The following AXDND1 variants were observed in gnomAD, a reference collection of about 807,000 sequenced individuals.
AXDND1 encodes the protein axonemal dynein light chain domain containing 1, also known as axonemal dynein light chain domain-containing protein 1.
AXDND1 carries 110 observed loss-of-function variants against 137.5 expected under a neutral mutation model. The observed-to-expected ratio is 0.80, with a 90% CI of 0.69 to 0.94. AXDND1 has a LOEUF of 0.94. Among genes scored for constraint, AXDND1 ranks in the 40% least tolerant of loss-of-function variants. The pLI is 0.00. For missense variants in AXDND1, 1,191 were observed against 1,169.8 expected (o/e 1.02, Z -0.26); for synonymous variants, 414 against 399.7 (o/e 1.04, Z -0.43).
intron 11 of AXDND1, among the ~76,000 whole-genome samples, chr1:179,397,618 C>G (rs1558120447): frequency 6.6e-6 from 1 of 152,182 alleles, no homozygotes. Context: ...CTTTCAGGGA[C>G]ATCAATGAGT....
chr1:179,470,986 T>C (rs1663854673), intron 17 of AXDND1, among the ~76,000 whole-genome samples: 1 of 152,204 alleles, frequency 6.6e-6, no homozygotes, highest in South Asian at 2.1e-4. Flanking sequence ...AAATGCTTTT[T>C]CTGTATCTAG....
chr1:179,474,251 G>GT (rs894011635), intron 17 of AXDND1, among the ~76,000 whole-genome samples: 26 of 151,908 alleles, frequency 1.7e-4, no homozygotes, highest in African/African-American at 4.8e-4. Context: ...GTCTTGGGTA[G>GT]TTTTTTTATA....
intron 16 of AXDND1, among the ~76,000 whole-genome samples, chr1:179,457,639 C>T (rs12759446): frequency 0.17 from 25,564 of 152,016 alleles, 2,502 homozygotes; most frequent in East Asian, 0.35. Context: ...ATTTTCAGTT[C>T]GTCTAAGAAA....
At position 179,519,100 on chromosome 1, in the gene AXDND1, G is replaced by A. The variant is rs553913363; in HGVS notation, c.2497-6234G>A. Among the ~76,000 whole-genome samples the A allele has an allele frequency of 9.9e-5, 15 of 152,230 alleles. No individual in the cohort carries two copies. The East Asian group carries it at 2.7e-3, about 27-fold the overall frequency. Reference sequence around the variant, plus strand: ...TTGCCATTCTGACTGGTGTTAGATGGTAGCTCATTATGGTTTTGAGTTGTA... The same window carrying A: ...TTGCCATTCTGACTGGTGTTAGATGATAGCTCATTATGGTTTTGAGTTGTA... On this transcript the variant is annotated intron_variant, in intron 21 of 25. Coordinates refer to ENST00000367618, the MANE Select transcript of AXDND1 (RefSeq NM_144696.6).
intron 21 of AXDND1, among the ~76,000 whole-genome samples, chr1:179,514,479 C>T (rs57417655): frequency 0.19 from 28,300 of 151,930 alleles, 2,855 homozygotes; most frequent in African/African-American, 0.23. Flanking sequence ...CATCTAGTGG[C>T]CTATCACATG....
chr1:179,430,572 A>C lies in AXDND1; in HGVS notation c.1453A>C (p.Lys485Gln), dbSNP rs748507667. ...ESTSETLKIV[K>Q]DGLIKWQEFF... ...TACAAGCGAGACACTGAAAATTGTTAAGGATGGGCTTATCAAATGGCAGGA... is the reference window on the plus strand; with the variant it reads ...TACAAGCGAGACACTGAAAATTGTTCAGGATGGGCTTATCAAATGGCAGGA... Residue 485 changes from lysine (K) to glutamine (Q), a missense_variant, in exon 14 of 26, where the codon AAG becomes CAG. Physicochemically the swap from Lys to Gln is moderately conservative, Grantham distance 53. Coordinates refer to ENST00000367618, the MANE Select transcript of AXDND1 (RefSeq NM_144696.6). 13 of 1,613,468 alleles carry C rather than the reference A, an allele frequency of 8.1e-6. No homozygotes were observed. Among genetic ancestry groups the C allele is most frequent in the Non-Finnish European group, 1.1e-5 (13 of 1,179,852 alleles).
intron 18 of AXDND1, among the ~76,000 whole-genome samples, chr1:179,487,475 G>T (rs1228924396): frequency 6.9e-6 from 1 of 144,076 alleles, no homozygotes; most frequent in Admixed American, 6.9e-5. Flanking sequence ...ATGATTTTTG[G>T]TAATGGTTCA....
chr1:179,533,893 C>T lies in AXDND1; in HGVS notation c.2798+16C>T. ...AGAAGTTACTGTAAGTATGAGTCAA[C>T]ACAATGGTAAGAGGATGAAAATGGC... On this transcript the variant is annotated intron_variant, in intron 24 of 25. Transcript: ENST00000367618. 6.2e-7 allele frequency: 1 copy of T among 1,603,360 alleles called. No homozygotes were observed. The highest frequency in any genetic ancestry group is 8.5e-7 in the Non-Finnish European group (1 of 1,171,012).
At chr1:179,548,717 A>G (rs1294734511) in intron 25 of AXDND1, 1 of 152,238 alleles carries the variant, frequency 6.6e-6, no homozygotes, top group Admixed American at 6.5e-5. Flanking sequence ...AAGGATGTGG[A>G]ATGCAGGCGT....
chr1:179,544,901 C>G (rs2125740689), intron 25 of AXDND1: 1 of 152,266 alleles, frequency 6.6e-6, no homozygotes, highest in South Asian at 2.1e-4. Flanking sequence ...TGTCAGAGCC[C>G]CCAGCTCACT....
At chr1:179,465,466 T>C (rs1308920143) in intron 16 of AXDND1, among the ~76,000 whole-genome samples, 2 of 152,260 alleles carry the variant, frequency 1.3e-5, no homozygotes, top group Admixed American at 6.5e-5. Context: ...TGTTTCTGCC[T>C]GATCCTTTCT....
intron 12 of AXDND1, among the ~76,000 whole-genome samples, chr1:179,428,385 C>T (rs965227180): frequency 6.6e-6 from 1 of 152,214 alleles, no homozygotes; most frequent in Admixed American, 6.5e-5. Flanking sequence ...ACTGAAGTGA[C>T]AGTTAGAATG....
chr1:179,388,377 C>T (rs1169212477), intron 9 of AXDND1, among the ~76,000 whole-genome samples: 5 of 152,170 alleles, frequency 3.3e-5, no homozygotes, highest in Non-Finnish European at 5.9e-5. Flanking sequence ...CATGTCTGTA[C>T]TGCATTCTGT....
intron 20 of AXDND1, among the ~76,000 whole-genome samples, chr1:179,503,357 A>G (rs1241313325): frequency 6.6e-6 from 1 of 151,928 alleles, no homozygotes; most frequent in Non-Finnish European, 1.5e-5. Context: ...ATTTATGTAC[A>G]ACATCTTGCT....
At position 179,442,242 on chromosome 1, in the gene AXDND1, C is replaced by T. The variant is rs150935081; in HGVS notation, c.1564-2728C>T. Among the ~76,000 whole-genome samples, 91 of 152,268 alleles carry T rather than the reference C, an allele frequency of 6.0e-4. 1 individual carries two copies. The East Asian group carries it at 0.015, about 25-fold the overall frequency. On this transcript the variant is annotated intron_variant, in intron 15 of 25. Transcript: ENST00000367618. ...GCGGTATAGGCCACTTTTTATCCTC[C>T]CTCTCCTGTTTTTATTTTCAATTGG...
intron 18 of AXDND1, 41 bp from the exon 19 acceptor site, chr1:179,491,497 A>G (rs765677240): frequency 5.9e-6 from 8 of 1,352,356 alleles, no homozygotes; most frequent in Non-Finnish European, 8.3e-6. Context: ...TGTTTGATTT[A>G]TTTAAAGTGG....
At chr1:179,440,794 C>G (rs1319854180) in intron 15 of AXDND1, among the ~76,000 whole-genome samples, 1 of 152,156 alleles carries the variant, frequency 6.6e-6, no homozygotes, top group East Asian at 1.9e-4. Flanking sequence ...AGTTCTGGGT[C>G]TAGTATACTT....
intron 25 of AXDND1, among the ~76,000 whole-genome samples, chr1:179,542,048 A>G (rs1444514428): frequency 6.6e-6 from 1 of 152,216 alleles, no homozygotes; most frequent in Non-Finnish European, 1.5e-5. Context: ...GTCTCTGGGT[A>G]ATAGAGGTTT....
intron 25 of AXDND1, among the ~76,000 whole-genome samples, chr1:179,541,409 C>G (rs576890944): frequency 7.0e-4 from 106 of 152,110 alleles, no homozygotes; most frequent in African/African-American, 2.5e-3. Context: ...CCGTCTTCTG[C>G]ATTGATCTTA....
Sources: gnomAD v4.1 joint callset for allele counts (sites outside exome capture counted in the v4.1 genomes callset) on GRCh38, gnomAD v4.1.1 for gene constraint, MANE v1.5 for transcripts, NCBI Gene and HGNC (gene_info 2026-07-23, HGNC 2026-07-21) for gene names.